KIAA1217: variants seen among roughly 807,000 people sequenced by gnomAD.
KIAA1217 encodes the protein sickle tail protein homolog.
Under a neutral mutation model 163.9 loss-of-function variants are expected in KIAA1217, and 88 were observed. The observed-to-expected ratio is 0.54, with a 90% confidence interval of 0.45 to 0.64. KIAA1217 has a LOEUF of 0.64. KIAA1217 is among the 30% of genes least tolerant of loss of function. The pLI is 0.00. For missense variants in KIAA1217, 2,372 were observed against 2,475.0 expected (o/e 0.96, Z 0.88); for synonymous variants, 903 against 923.1 (o/e 0.98, Z 0.39).
intron 2 of KIAA1217, among the ~76,000 whole-genome samples, chr10:24,326,855 TAA>T (rs2044981120): frequency 6.6e-6 from 1 of 152,186 alleles, no homozygotes; most frequent in African/African-American, 2.4e-5. Flanking sequence ...ATTTTAATGA[TAA>T]TTAGGGAAAC....
chr10:24,153,767 G>A (rs969529550), intron 2 of KIAA1217, among the ~76,000 whole-genome samples: 1 of 152,146 alleles, frequency 6.6e-6, no homozygotes, highest in Non-Finnish European at 1.5e-5. Context: ...GTGACTCTTA[G>A]TTGCATGATA....
intron 14 of KIAA1217, among the ~76,000 whole-genome samples, chr10:24,529,946 C>T (rs184321555): frequency 5.9e-5 from 9 of 151,854 alleles, no homozygotes; most frequent in Non-Finnish European, 1.3e-4. Flanking sequence ...TACAGGCACC[C>T]ACCACCACGC....
chr10:24,040,850 GTGCTACCA>G (rs1564629088), intron 2 of KIAA1217, among the ~76,000 whole-genome samples: 2 of 152,194 alleles, frequency 1.3e-5, no homozygotes, highest in Non-Finnish European at 2.9e-5. Context: ...TATTTATTGA[GTGCTACCA>G]TGTGCCCGAC....
At chr10:24,245,421 C>T (rs1157767350) in intron 2 of KIAA1217, among the ~76,000 whole-genome samples, 2 of 152,204 alleles carry the variant, frequency 1.3e-5, no homozygotes, top group Non-Finnish European at 2.9e-5. Context: ...CAGTGTGACA[C>T]TGTAGACTTG....
chr10:24,275,902 C>T (rs10764458), intron 2 of KIAA1217: 391,240 of 428,112 alleles, frequency 0.91, 180,223 homozygotes, highest in African/African-American at 0.97. Context: ...CCTTCTGGTC[C>T]TGATATTCCT....
At chr10:24,113,344 G>C (rs947786578) in intron 2 of KIAA1217, among the ~76,000 whole-genome samples, 4 of 152,070 alleles carry the variant, frequency 2.6e-5, no homozygotes, top group African/African-American at 7.2e-5. Context: ...AACAGCTCAG[G>C]CTCTTTACTT....
In KIAA1217 at chr10:23,854,225, G is replaced by A. The variant is rs1458711188; in HGVS notation, c.-320-153000G>A. Among the ~76,000 whole-genome samples the A allele has an allele frequency of 1.1e-4, 17 of 152,054 alleles. No individual in the cohort carries two copies. In the East Asian group the frequency reaches 1.4e-3, roughly 12 times the overall value. On this transcript the variant is annotated intron_variant, in intron 1 of 18. Coordinates refer to the KIAA1217 transcript ENST00000376462. ...TCTGATATGTTGTGTCTTTGTTCTC[G>A]TTGGTTTCAAAGAACATCTATATGT...
intron 2 of KIAA1217, among the ~76,000 whole-genome samples, chr10:24,117,263 C>T (rs1174108547): frequency 1.3e-5 from 2 of 152,174 alleles, no homozygotes; most frequent in African/African-American, 4.8e-5. Flanking sequence ...TCTCGATCTC[C>T]TGACCTCAGG....
At chr10:24,442,184 T>A (rs1357726155) in intron 5 of KIAA1217, among the ~76,000 whole-genome samples, 1 of 152,140 alleles carries the variant, frequency 6.6e-6, no homozygotes, top group Non-Finnish European at 1.5e-5. Context: ...CTTCTACTGA[T>A]CTTTGTATTT....
Position 24,360,602 on chromosome 10 carries a change from C to A in KIAA1217, c.355-20267C>A, listed in dbSNP as rs1198328614. Among the ~76,000 whole-genome samples the A allele has an allele frequency of 3.3e-5, 5 of 152,270 alleles. No individual in the cohort carries two copies. The East Asian group carries it at 9.7e-4, about 29-fold the overall frequency. On this transcript the variant is annotated intron_variant, in intron 2 of 20. Coordinates refer to ENST00000376454, the MANE Select transcript of KIAA1217 (RefSeq NM_019590.5). The stretch of plus-strand genomic sequence containing the variant: ...GCATTTGGAGAGGATGAAGATGGAC[C>A]AAAAGCAATCAGTTGACCTGTGTCT...
intron 2 of KIAA1217, among the ~76,000 whole-genome samples, chr10:24,075,299 T>C (rs2061335149): frequency 1.3e-5 from 2 of 152,212 alleles, no homozygotes; most frequent in Admixed American, 1.3e-4. Context: ...TGGTTTTCTA[T>C]GCCTTGTATG....
At chr10:24,424,731 T>C (rs2059040997) in intron 3 of KIAA1217, among the ~76,000 whole-genome samples, 1 of 152,150 alleles carries the variant, frequency 6.6e-6, no homozygotes, top group Non-Finnish European at 1.5e-5. Flanking sequence ...GCCTCCCGAG[T>C]AGCTGGGATT....
rs567679175 is a variant in KIAA1217 at position 23,713,084 on chromosome 10, G to C, written c.-321+17850G>C. On this transcript the variant is annotated intron_variant, in intron 1 of 18. Transcript: ENST00000376462. Reference sequence around the variant, plus strand: ...AACTAAGAGTATGGAAAAGAGCTGGGGAGGAGTATGTTGTAGATGAATTGA... The same window carrying C: ...AACTAAGAGTATGGAAAAGAGCTGGCGAGGAGTATGTTGTAGATGAATTGA... Among the ~76,000 whole-genome samples the C allele has an allele frequency of 7.2e-5, 11 of 152,232 alleles. No individual in the cohort carries two copies. In the East Asian group the frequency reaches 2.1e-3, roughly 29 times the overall value.
At chr10:24,143,381 C>A (rs1194168395) in intron 2 of KIAA1217, among the ~76,000 whole-genome samples, 1 of 152,162 alleles carries the variant, frequency 6.6e-6, no homozygotes, top group Admixed American at 6.5e-5. Context: ...ATTCTCCTGC[C>A]TCAGCCTCCC....
At chr10:24,118,045 C>T (rs1250674233) in intron 2 of KIAA1217, among the ~76,000 whole-genome samples, 1 of 151,580 alleles carries the variant, frequency 6.6e-6, no homozygotes, top group Non-Finnish European at 1.5e-5. Flanking sequence ...CTATCAAGTA[C>T]TTTGCTTAGT....
At chr10:23,864,523 A>AACACACACACAC (rs10544205) in intron 1 of KIAA1217, among the ~76,000 whole-genome samples, 6 of 147,346 alleles carry the variant, frequency 4.1e-5, no homozygotes, top group South Asian at 4.4e-4. Context: ...TACACACACC[A>AACACACACACAC]ACACACACAC....
chr10:24,268,183 C>T (rs189380238), intron 2 of KIAA1217, among the ~76,000 whole-genome samples: 3 of 152,290 alleles, frequency 2.0e-5, no homozygotes, highest in East Asian at 3.9e-4. Context: ...AAGGTCAGGT[C>T]GCCTATATTG....
intron 2 of KIAA1217, among the ~76,000 whole-genome samples, chr10:24,152,349 G>A (rs754066890): frequency 1.3e-5 from 2 of 152,104 alleles, no homozygotes; most frequent in East Asian, 1.9e-4. Flanking sequence ...CAGAATGAGC[G>A]CCTGTTTTAT....
At chr10:24,319,934 A>G (rs560132265) in intron 2 of KIAA1217, among the ~76,000 whole-genome samples, 4 of 152,244 alleles carry the variant, frequency 2.6e-5, no homozygotes, top group Admixed American at 6.5e-5. Context: ...AAATGTTTCC[A>G]TGAGATAACT....
Sources: allele counts gnomAD v4.1 joint callset (sites outside exome capture counted in the v4.1 genomes callset), GRCh38; gene constraint gnomAD v4.1.1; transcripts MANE v1.5; gene names NCBI Gene and HGNC (gene_info 2026-07-23, HGNC 2026-07-21).